COLEC10: variants seen among roughly 807,000 people sequenced by gnomAD.
The protein encoded by COLEC10 is collectin subfamily member 10.
Under a neutral mutation model 28.4 loss-of-function variants are expected in COLEC10, and 22 were observed. That is an observed-to-expected ratio of 0.78 (90% confidence interval 0.55 to 1.11). The LOEUF is 1.11. Ranked by LOEUF, COLEC10 falls within the 50% of genes least tolerant of loss-of-function variation. The probability of loss-of-function intolerance (pLI) is 0.00; values close to 1 mark genes in which losing one functional copy is unlikely to be tolerated. For synonymous variants in COLEC10, 125 were observed against 116.1 expected (o/e 1.08, Z -0.49); for missense variants, 361 against 344.1 (o/e 1.05, Z -0.39).
upstream of COLEC10, among the ~76,000 whole-genome samples, chr8:119,063,739 A>G (rs1054764237): frequency 2.0e-5 from 3 of 152,142 alleles, 1 homozygote; most frequent in Middle Eastern, 6.8e-3. Context: ...CACAAAAAAA[A>G]AAAAGAAAAG....
chr8:118,961,067 A>G, the COLEC10 span, among the ~76,000 whole-genome samples: 2 of 152,322 alleles, frequency 1.3e-5, no homozygotes, highest in Middle Eastern at 3.4e-3. Context: ...TAACATTTGT[A>G]TGGTGCTTTT....
At chr8:119,016,646 T>G (rs112817331) in intron 2 of COLEC10, among the ~76,000 whole-genome samples, 6,350 of 152,186 alleles carry the variant, frequency 0.042, 278 homozygotes, top group African/African-American at 0.11. Context: ...ACCAACAGTG[T>G]AAAAGCATTT....
At chr8:119,013,996 T>C (rs1259977052) in intron 2 of COLEC10, among the ~76,000 whole-genome samples, 2 of 150,804 alleles carry the variant, frequency 1.3e-5, no homozygotes, top group Non-Finnish European at 1.5e-5. Flanking sequence ...TTTTGTATTA[T>C]TGCTCTCATT....
At chr8:119,024,058 T>C (rs981708080) in intron 2 of COLEC10, among the ~76,000 whole-genome samples, 1 of 152,184 alleles carries the variant, frequency 6.6e-6, no homozygotes, top group African/African-American at 2.4e-5. Flanking sequence ...ACAGTTTAGA[T>C]ATTAAATTTG....
intron 2 of COLEC10, among the ~76,000 whole-genome samples, chr8:119,058,010 G>T (rs1814792344): frequency 6.6e-6 from 1 of 151,850 alleles, no homozygotes; most frequent in South Asian, 2.1e-4. Flanking sequence ...TCTTTTATCT[G>T]GTTGTTTTCT....
intron 1 of COLEC10, among the ~76,000 whole-genome samples, chr8:119,084,584 G>C (rs2130264013): frequency 6.6e-6 from 1 of 152,316 alleles, no homozygotes; most frequent in Middle Eastern, 3.4e-3. Flanking sequence ...GTGGGCTTGA[G>C]ATGAACAAGA....
upstream of COLEC10, among the ~76,000 whole-genome samples, chr8:119,066,191 C>A (rs1814952195): frequency 6.6e-6 from 1 of 152,264 alleles, no homozygotes; most frequent in East Asian, 1.9e-4. Flanking sequence ...AAAGCAGGTC[C>A]AAAATCCCTT....
At chr8:119,055,021 C>T (rs1200471002) in intron 2 of COLEC10, among the ~76,000 whole-genome samples, 2 of 152,002 alleles carry the variant, frequency 1.3e-5, no homozygotes, top group Non-Finnish European at 2.9e-5. Flanking sequence ...TTATCTAAAA[C>T]ATAAACAAAC....
intron 1 of COLEC10, among the ~76,000 whole-genome samples, chr8:119,089,339 G>C (rs1458988549): frequency 6.6e-6 from 1 of 152,040 alleles, no homozygotes; most frequent in Non-Finnish European, 1.5e-5. Context: ...GTGTGTGTGT[G>C]CGTGTGTGTT....
Position 118,996,435 on chromosome 8 carries a change from G to T in COLEC10, n.122+862G>T, listed in dbSNP as rs541623548. Among the ~76,000 whole-genome samples the T allele has an allele frequency of 1.8e-4, 27 of 152,252 alleles. No homozygotes were observed. In the South Asian group the frequency reaches 5.6e-3, roughly 32 times the overall value. On this transcript the variant is annotated intron_variant and non_coding_transcript_variant, in intron 1 of 6. Coordinates refer to the COLEC10 transcript ENST00000521788. ...ATTTTTAATTTTTTGAGGAACGCTC[G>T]TTCTGCTTTTTACAGTGGCTACATC...
intron 1 of COLEC10, among the ~76,000 whole-genome samples, chr8:119,008,118 A>G (rs1208071144): frequency 6.6e-6 from 1 of 151,048 alleles, no homozygotes; most frequent in Non-Finnish European, 1.5e-5. Flanking sequence ...GGAAATATAG[A>G]TCCACTGGAA....
chr8:119,014,779 G>A (rs1057012372), intron 2 of COLEC10, among the ~76,000 whole-genome samples: 2 of 150,342 alleles, frequency 1.3e-5, no homozygotes, highest in Admixed American at 6.6e-5. Flanking sequence ...TATTCTCTTT[G>A]CTTTTCCATT....
chr8:118,953,708 A>G, the COLEC10 span, among the ~76,000 whole-genome samples: 23 of 152,226 alleles, frequency 1.5e-4, no homozygotes, highest in Non-Finnish European at 2.9e-4. Context: ...TAATGCATGT[A>G]AAATAACTCA....
intron 3 of COLEC10, among the ~76,000 whole-genome samples, chr8:119,095,771 T>G (rs1815702824): frequency 6.6e-6 from 1 of 152,020 alleles, no homozygotes; most frequent in Non-Finnish European, 1.5e-5. Flanking sequence ...ATAAGCCAAT[T>G]CAAAATATAT....
intron 3 of COLEC10, among the ~76,000 whole-genome samples, chr8:119,100,155 G>C (rs1815796089): frequency 6.6e-6 from 1 of 152,030 alleles, no homozygotes; most frequent in Non-Finnish European, 1.5e-5. Context: ...CAAACACCTT[G>C]CTTTTTTTCA....
intron 2 of COLEC10, among the ~76,000 whole-genome samples, chr8:119,027,087 T>G (rs1169312800): frequency 6.6e-6 from 1 of 152,202 alleles, no homozygotes; most frequent in Non-Finnish European, 1.5e-5. Flanking sequence ...CACTTTCCAC[T>G]GCTATAAAAC....
At chr8:118,979,356 G>A in the COLEC10 span, among the ~76,000 whole-genome samples, 4 of 151,318 alleles carry the variant, frequency 2.6e-5, no homozygotes, top group South Asian at 2.1e-4. Context: ...ACTTTATTAC[G>A]TGTAATGACA....
At chr8:118,952,619 G>T in the COLEC10 span, among the ~76,000 whole-genome samples, 4 of 152,220 alleles carry the variant, frequency 2.6e-5, no homozygotes, top group African/African-American at 9.6e-5. Flanking sequence ...GAGCCAGAGA[G>T]AATCTGCAGA....
chr8:119,005,605 A>G (rs765000503), intron 1 of COLEC10, among the ~76,000 whole-genome samples: 3 of 152,152 alleles, frequency 2.0e-5, no homozygotes, highest in Non-Finnish European at 4.4e-5. Context: ...TCCCAAATAA[A>G]TTACCTTTAT....
Sources: allele counts gnomAD v4.1 joint callset (sites outside exome capture counted in the v4.1 genomes callset), GRCh38; gene constraint gnomAD v4.1.1; transcripts MANE v1.5; gene names NCBI Gene and HGNC (gene_info 2026-07-23, HGNC 2026-07-21).